Variants in CLEC19A observed in about 807,000 individuals in gnomAD.
CLEC19A encodes C-type lectin domain family 19 member A.
CLEC19A carries 21 observed loss-of-function variants against 26.1 expected under a neutral mutation model. That is an observed-to-expected ratio of 0.80 (90% CI 0.57 to 1.16). The LOEUF (loss-of-function observed/expected upper bound fraction) is 1.16. Among genes scored for constraint, CLEC19A ranks in the 50% most tolerant of loss-of-function variants. The pLI, the probability that CLEC19A is intolerant of heterozygous loss-of-function variation, is 0.00. For missense variants in CLEC19A, 224 were observed against 227.6 expected, an observed-to-expected ratio of 0.98 and a Z score of 0.10; for synonymous variants, 89 against 88.6, an observed-to-expected ratio of 1.00 and a Z score of -0.03.
intron 1 of CLEC19A, among the ~76,000 whole-genome samples, chr16:19,289,378 G>A (rs1472776856): frequency 2.0e-5 from 3 of 152,160 alleles, no homozygotes; most frequent in Non-Finnish European, 4.4e-5. Flanking sequence ...AGGAAACATC[G>A]ACTTATTTGC....
intron 2 of CLEC19A, 122 bp downstream of exon 2, chr16:19,298,960 A>G (rs552779253): frequency 5.6e-5 from 64 of 1,132,930 alleles, no homozygotes; most frequent in East Asian, 7.8e-5. Context: ...AAAAATGGAG[A>G]TGGAGTCTTG....
intron 1 of CLEC19A, among the ~76,000 whole-genome samples, chr16:19,294,659 A>G (rs535082408): frequency 6.6e-6 from 1 of 152,338 alleles, no homozygotes; most frequent in South Asian, 2.1e-4. Flanking sequence ...AGTGAGGTCC[A>G]TGTCGTTAAA....
At chr16:19,299,920 TTTG>T (rs1897781965) in intron 2 of CLEC19A, among the ~76,000 whole-genome samples, 1 of 151,890 alleles carries the variant, frequency 6.6e-6, no homozygotes, top group Non-Finnish European at 1.5e-5. Context: ...GCCGCTGACT[TTTG>T]TTAAGAATAA....
chr16:19,300,962 C>T (rs1190049416), intron 2 of CLEC19A, among the ~76,000 whole-genome samples: 1 of 152,170 alleles, frequency 6.6e-6, no homozygotes. Context: ...TCATAAGTGC[C>T]TCCCATTAAC....
At chr16:19,288,922 G>A (rs899366913) in intron 1 of CLEC19A, among the ~76,000 whole-genome samples, 1 of 152,144 alleles carries the variant, frequency 6.6e-6, no homozygotes, top group African/African-American at 2.4e-5. Context: ...CCAAGAGCCT[G>A]GCATTGCACT....
chr16:19,286,803 A>G (rs1048159930), intron 1 of CLEC19A, among the ~76,000 whole-genome samples: 6 of 152,148 alleles, frequency 3.9e-5, no homozygotes, highest in African/African-American at 1.2e-4. Context: ...ATAATGAAAT[A>G]CCTAGATGGA....
chr16:19,295,813 C>T (rs544313971), intron 1 of CLEC19A, among the ~76,000 whole-genome samples: 45 of 152,274 alleles, frequency 3.0e-4, no homozygotes, highest in African/African-American at 1.0e-3. Flanking sequence ...TCCCAAGCAG[C>T]GATTCAGTAG....
intron 1 of CLEC19A, among the ~76,000 whole-genome samples, chr16:19,292,288 C>T (rs179206): frequency 0.054 from 8,257 of 152,138 alleles, 395 homozygotes; most frequent in East Asian, 0.27. Flanking sequence ...ATTTGGAAGG[C>T]CTGGGGTGGG....
At chr16:19,302,219 T>C (rs1897850285) in intron 2 of CLEC19A, among the ~76,000 whole-genome samples, 1 of 152,160 alleles carries the variant, frequency 6.6e-6, no homozygotes, top group Admixed American at 6.5e-5. Flanking sequence ...GAATTCTAAG[T>C]GCTTCTAATC....
At chr16:19,303,525 G>C (rs1457589615) in intron 2 of CLEC19A, among the ~76,000 whole-genome samples, 1 of 152,200 alleles carries the variant, frequency 6.6e-6, no homozygotes, top group African/African-American at 2.4e-5. Context: ...AGGATGGTGG[G>C]CTGTTAACTG....
intron 1 of CLEC19A, among the ~76,000 whole-genome samples, chr16:19,293,966 C>A (rs1252953886): frequency 6.6e-6 from 1 of 151,974 alleles, no homozygotes; most frequent in Admixed American, 6.5e-5. Context: ...TGACTGTAGT[C>A]ACCCTGTTGT....
intron 1 of CLEC19A, among the ~76,000 whole-genome samples, chr16:19,291,500 T>C (rs758745258): frequency 1.3e-4 from 20 of 152,302 alleles, no homozygotes; most frequent in Non-Finnish European, 2.5e-4. Flanking sequence ...CCTGGTAGGA[T>C]GTGTGAAGAT....
At chr16:19,294,956 C>T (rs995259002) in intron 1 of CLEC19A, among the ~76,000 whole-genome samples, 3 of 152,036 alleles carry the variant, frequency 2.0e-5, no homozygotes, top group Non-Finnish European at 2.9e-5. Context: ...CATTTCGGGT[C>T]GGATGATTCT....
chr16:19,305,993 G>A (rs979254047), intron 3 of CLEC19A, among the ~76,000 whole-genome samples: 12 of 151,916 alleles, frequency 7.9e-5, no homozygotes, highest in African/African-American at 2.2e-4. Context: ...ACAGGAAGCC[G>A]CCACCATGCC....
intron 2 of CLEC19A, among the ~76,000 whole-genome samples, chr16:19,300,534 C>G (rs1300727370): frequency 7.2e-6 from 1 of 139,442 alleles, no homozygotes; most frequent in Non-Finnish European, 1.5e-5. Flanking sequence ...GGTGACAGAG[C>G]GAGATCCTAT....
chr16:19,299,011 G>A (rs1203018809), intron 2 of CLEC19A, among the ~76,000 whole-genome samples, 173 bp downstream of exon 2: 2 of 152,232 alleles, frequency 1.3e-5, no homozygotes, highest in African/African-American at 2.4e-5. Context: ...GAGCTCAAGT[G>A]ATTCTCCCCC....
In CLEC19A at chr16:19,309,054, T is replaced by C. The variant is rs1486584260; in HGVS notation, c.532T>C (p.Cys178Arg). The change falls in exon 5 of 5, where the codon TGC (cysteine) becomes CGC (arginine). Residue 178 changes from cysteine to arginine, a missense_variant. Transcript: ENST00000636231. Reference protein sequence around the residue: ...NTCSRKFPFVCKIPSLTIH With the variant: ...NTCSRKFPFVRKIPSLTIH ...CTGCAGCCGGAAGTTCCCCTTTGTC[T>C]GCAAAATCCCATCTCTGACCATTCA... 6.5e-7 allele frequency: 1 copy of C among 1,548,332 alleles called. No homozygotes were observed. Among genetic ancestry groups the C allele is most frequent in the Non-Finnish European group, 8.7e-7 (1 of 1,146,764 alleles).
At chr16:19,299,288 C>A (rs748725237) in intron 2 of CLEC19A, among the ~76,000 whole-genome samples, 161 of 152,332 alleles carry the variant, frequency 1.1e-3, no homozygotes, top group Non-Finnish European at 1.7e-3. Flanking sequence ...ATAACTGATA[C>A]TTATTTGCTG....
intron 4 of CLEC19A, 54 bp downstream of exon 4, chr16:19,307,731 G>T (rs1339809996): frequency 1.3e-6 from 2 of 1,542,226 alleles, no homozygotes; most frequent in Non-Finnish European, 1.7e-6. Context: ...GGTGTCACAG[G>T]TGGGGAGAGC....
Sources: allele counts gnomAD v4.1 joint callset (sites outside exome capture counted in the v4.1 genomes callset), GRCh38; gene constraint gnomAD v4.1.1; transcripts MANE v1.5; gene names NCBI Gene and HGNC (gene_info 2026-07-23, HGNC 2026-07-21).